Variants in HDAC4 observed in about 807,000 individuals in gnomAD.
HDAC4 encodes the protein histone deacetylase 4, also known as histone deacetylase A.
In HDAC4, 16 loss-of-function variants were observed where a neutral mutation model predicts 135.1. That is an observed-to-expected ratio of 0.12 (90% CI 0.08 to 0.18). HDAC4 has a LOEUF of 0.18. Among genes scored for constraint, HDAC4 ranks in the 10% least tolerant of loss-of-function variants. The probability of loss-of-function intolerance (pLI) is 1.00; values close to 1 mark genes in which losing one functional copy is unlikely to be tolerated. For synonymous variants in HDAC4, 685 were observed against 653.4 expected, an observed-to-expected ratio of 1.05 and a Z score of -0.74; for missense variants, 1,143 against 1,511.8, an observed-to-expected ratio of 0.76 and a Z score of 4.05.
intron 18 of HDAC4, 125 bp from the exon 19 acceptor site, chr2:239,087,739 C>T: frequency 1.1e-6 from 1 of 882,126 alleles, no homozygotes; most frequent in South Asian, 1.4e-5. Context: ...TCTTGCTGCA[C>T]CCTGGCCACA....
At chr2:239,263,302 C>T (rs867667010) in intron 2 of HDAC4, among the ~76,000 whole-genome samples, 1 of 129,314 alleles carries the variant, frequency 7.7e-6, no homozygotes. Context: ...TCAGCTGTCT[C>T]GAAGCCCACC....
chr2:239,384,645 G>A (rs1487023410), intron 1 of HDAC4, among the ~76,000 whole-genome samples: 1 of 152,060 alleles, frequency 6.6e-6, no homozygotes, highest in Non-Finnish European at 1.5e-5. Flanking sequence ...CGGAAGAAAA[G>A]AAAGAGAAGG....
chr2:239,386,507 C>T (rs912220137), intron 1 of HDAC4, among the ~76,000 whole-genome samples: 2 of 151,994 alleles, frequency 1.3e-5, no homozygotes, highest in Middle Eastern at 3.2e-3. Context: ...GGGGAGGGTG[C>T]GAGGCCTCTG....
chr2:239,252,667 G>A (rs764550959), intron 2 of HDAC4, among the ~76,000 whole-genome samples: 20 of 152,304 alleles, frequency 1.3e-4, no homozygotes, highest in Admixed American at 1.0e-3. Context: ...TTGCTTCTCC[G>A]CCAAAGGACA....
At chr2:239,128,550 G>C (rs2040355505) in intron 11 of HDAC4, among the ~76,000 whole-genome samples, 1 of 152,060 alleles carries the variant, frequency 6.6e-6, no homozygotes, top group African/African-American at 2.4e-5. Context: ...AAAAAAGAAG[G>C]CATTTCAGAA....
chr2:239,100,625 G>A (rs1423079767), intron 16 of HDAC4, among the ~76,000 whole-genome samples: 2 of 152,166 alleles, frequency 1.3e-5, no homozygotes, highest in African/African-American at 2.4e-5. Context: ...AAGTGCCAAC[G>A]GCTGGGTGGA....
intron 1 of HDAC4, among the ~76,000 whole-genome samples, chr2:239,357,600 G>A (rs554215377): frequency 1.3e-5 from 2 of 151,852 alleles, no homozygotes; most frequent in South Asian, 4.2e-4. Context: ...AATGAGAGAG[G>A]GGGCCAGGTG....
intron 3 of HDAC4, among the ~76,000 whole-genome samples, chr2:239,234,134 G>C (rs1559263341): frequency 6.6e-6 from 1 of 152,310 alleles, no homozygotes; most frequent in African/African-American, 2.4e-5. Context: ...CTTCACATTA[G>C]AGGCTTCTAA....
At chr2:239,183,124 T>A (rs972378148) in intron 4 of HDAC4, among the ~76,000 whole-genome samples, 1 of 152,230 alleles carries the variant, frequency 6.6e-6, no homozygotes, top group African/African-American at 2.4e-5. Flanking sequence ...ACCTCATTCT[T>A]CTAAGAAAAG....
In HDAC4 at chr2:239,052,769, G is replaced by T; in HGVS notation, c.*328C>A. 2.4e-6 allele frequency: 1 copy of T among 408,366 alleles called. No homozygotes were observed. Among genetic ancestry groups the T allele is most frequent in the Non-Finnish European group, 4.5e-6 (1 of 223,196 alleles). 25.3% of individuals were successfully genotyped at this position (408,366 alleles called of 1,614,324 possible). A position where few individuals can be genotyped will look rare whatever the true frequency, so the allele number is the denominator to read the frequency against. Reference sequence around the variant, plus strand: ...CGTGTCAACTGAATTCGGCAGCTCGGCCGCCTGTTGCCACAGGCTCCTTTC... The same window carrying T: ...CGTGTCAACTGAATTCGGCAGCTCGTCCGCCTGTTGCCACAGGCTCCTTTC... On this transcript the variant is annotated 3_prime_UTR_variant, in exon 27 of 27. Transcript: ENST00000543185.
intron 14 of HDAC4, among the ~76,000 whole-genome samples, chr2:239,109,424 A>G (rs2038466608): frequency 6.6e-6 from 1 of 152,132 alleles, no homozygotes; most frequent in African/African-American, 2.4e-5. Context: ...TCCCCAGCCA[A>G]GGGGAGCTGA....
At chr2:239,370,391 G>A (rs1359345430) in intron 1 of HDAC4, among the ~76,000 whole-genome samples, 2 of 152,162 alleles carry the variant, frequency 1.3e-5, no homozygotes. Flanking sequence ...CAGGAGACAG[G>A]TGCCACACCA....
chr2:239,083,188 G>A (rs771471152), intron 20 of HDAC4, among the ~76,000 whole-genome samples: 3 of 152,202 alleles, frequency 2.0e-5, no homozygotes, highest in Admixed American at 6.5e-5. Flanking sequence ...CAGGGAGCAC[G>A]CCACACAGGG....
At chr2:239,350,003 A>G (rs1693008095) in intron 2 of HDAC4, among the ~76,000 whole-genome samples, 1 of 152,210 alleles carries the variant, frequency 6.6e-6, no homozygotes. Flanking sequence ...CCGGTGATCA[A>G]ACTGAACCGC....
At chr2:239,368,775 T>C (rs928891479) in intron 1 of HDAC4, among the ~76,000 whole-genome samples, 18 of 152,096 alleles carry the variant, frequency 1.2e-4, no homozygotes, top group African/African-American at 4.1e-4. Context: ...GAGTGGACCC[T>C]CCTAAGTGTT....
chr2:239,066,730 C>T lies in HDAC4; in HGVS notation c.2995G>A (p.Gly999Arg), dbSNP rs770216360. 1.2e-6 allele frequency: 2 copies of T among 1,614,002 alleles called. No homozygotes were observed. Among genetic ancestry groups the T allele is most frequent in the Non-Finnish European group, 1.7e-6 (2 of 1,180,050 alleles). Residue 999 changes from glycine to arginine, a missense_variant, in exon 24 of 27, where the codon GGA becomes AGA. Physicochemically the swap from Gly to Arg is moderately radical, Grantham distance 125. This residue lies in a region of HDAC4 where 131 missense variants were observed against 130.6 expected (regional missense o/e 1.00). Coordinates refer to ENST00000543185, the MANE Select transcript of HDAC4 (RefSeq NM_001378414.1). Reference protein sequence around the residue: ...ASEACVSALLGNELDPLPEKV... With the variant: ...ASEACVSALLRNELDPLPEKV... Reference sequence around the variant, plus strand: ...CTCTGGGGTCTTCCTACCTCGTTTCCCAGCAAGGCAGAAACACATGCTTCC... The same window carrying T: ...CTCTGGGGTCTTCCTACCTCGTTTCTCAGCAAGGCAGAAACACATGCTTCC...
Position 239,108,033 on chromosome 2 carries a change from G to GC in HDAC4, c.2112+16dup. 6.2e-7 allele frequency: 1 copy of GC among 1,610,500 alleles called. No homozygotes were observed. ...TGCCCAAAGCCGCAGCTGCCCACCTGCCCCGGTCGGCGTTACCTCGCATTT... is the reference window on the plus strand; with the variant it reads ...TGCCCAAAGCCGCAGCTGCCCACCTGCCCCCGGTCGGCGTTACCTCGCATTT... On this transcript the variant is annotated intron_variant, in intron 15 of 26. Transcript: ENST00000543185.
chr2:239,082,296 A>C lies in HDAC4; in HGVS notation c.2533-75T>G, dbSNP rs764034472. 36 of 1,587,342 alleles carry C rather than the reference A, an allele frequency of 2.3e-5. No homozygotes were observed. The Admixed American group carries it at 2.8e-4, about 13-fold the overall frequency. On this transcript the variant is annotated intron_variant, in intron 20 of 26. Coordinates refer to ENST00000543185, the MANE Select transcript of HDAC4 (RefSeq NM_001378414.1). Reference sequence around the variant, plus strand: ...TGGCCTCCCCTGAGGGCCGTCCCCAACCCCAGTTGTGCTTAGTGACAACGG... The same window carrying C: ...TGGCCTCCCCTGAGGGCCGTCCCCACCCCCAGTTGTGCTTAGTGACAACGG...
chr2:239,121,992 G>A (rs1258120789), intron 12 of HDAC4, among the ~76,000 whole-genome samples: 2 of 152,246 alleles, frequency 1.3e-5, no homozygotes, highest in Non-Finnish European at 2.9e-5. Flanking sequence ...TGGGGACACT[G>A]AGAGCCCCTT....
Sources: allele counts gnomAD v4.1 joint callset (sites outside exome capture counted in the v4.1 genomes callset), GRCh38; gene constraint gnomAD v4.1.1; regional missense constraint gnomAD v4.1.1; transcripts MANE v1.5; gene names NCBI Gene and HGNC (gene_info 2026-07-23, HGNC 2026-07-21).